EEPD1: variants seen among roughly 807,000 people sequenced by gnomAD.
EEPD1 encodes the protein endonuclease/exonuclease/phosphatase family domain containing 1, also known as endonuclease/exonuclease/phosphatase family domain-containing protein 1.
EEPD1 carries 17 observed loss-of-function variants against 46.3 expected under a neutral mutation model. The ratio of observed to expected loss-of-function variants is 0.37; its 90% CI spans 0.25 to 0.55. EEPD1 has a LOEUF of 0.55. Among genes scored for constraint, EEPD1 ranks in the 20% least tolerant of loss-of-function variants. The probability of loss-of-function intolerance (pLI) is 0.83; values close to 1 mark genes in which losing one functional copy is unlikely to be tolerated. For synonymous variants in EEPD1, 313 were observed against 315.6 expected, an observed-to-expected ratio of 0.99 and a Z score of 0.09; for missense variants, 673 against 745.6, an observed-to-expected ratio of 0.90 and a Z score of 1.13.
At chr7:36,238,088 A>C (rs900079919) in intron 2 of EEPD1, among the ~76,000 whole-genome samples, 1 of 152,156 alleles carries the variant, frequency 6.6e-6, no homozygotes, top group Non-Finnish European at 1.5e-5. Context: ...TTTAGACCAT[A>C]TAGGGTAACT....
chr7:36,275,896 G>A (rs1443865573), intron 3 of EEPD1, among the ~76,000 whole-genome samples: 4 of 151,946 alleles, frequency 2.6e-5, no homozygotes, highest in Non-Finnish European at 5.9e-5. Context: ...TCAAGCCTTA[G>A]AACCCCTTGT....
At chr7:36,211,553 G>A (rs572436419) in intron 2 of EEPD1, among the ~76,000 whole-genome samples, 126 of 152,292 alleles carry the variant, frequency 8.3e-4, no homozygotes, top group African/African-American at 2.9e-3. Context: ...TTCTAGGGAA[G>A]GGTTGTCTTT....
intron 2 of EEPD1, among the ~76,000 whole-genome samples, chr7:36,200,767 C>G (rs537455410): frequency 1.4e-4 from 22 of 152,290 alleles, no homozygotes; most frequent in Non-Finnish European, 2.2e-4. Context: ...TTAAAAAACC[C>G]GTCACCAAGT....
intron 2 of EEPD1, chr7:36,230,853 G>A (rs1353736820): frequency 6.6e-6 from 1 of 152,158 alleles, no homozygotes; most frequent in Non-Finnish European, 1.5e-5. Flanking sequence ...TATCCATACA[G>A]TGAATGAATG....
intron 4 of EEPD1, among the ~76,000 whole-genome samples, chr7:36,282,184 G>C (rs1401246277): frequency 1.3e-5 from 2 of 152,208 alleles, no homozygotes; most frequent in Non-Finnish European, 2.9e-5. Flanking sequence ...ATCTAGTTCA[G>C]GGTTCTCCCT....
chr7:36,256,444 G>C (rs996302411), intron 3 of EEPD1, among the ~76,000 whole-genome samples: 1 of 152,166 alleles, frequency 6.6e-6, no homozygotes, highest in African/African-American at 2.4e-5. Flanking sequence ...CAGTATTATT[G>C]TGTGGGATTC....
chr7:36,211,696 G>A (rs986047860), intron 2 of EEPD1, among the ~76,000 whole-genome samples: 3 of 152,106 alleles, frequency 2.0e-5, no homozygotes, highest in African/African-American at 7.2e-5. Context: ...AGGCCAAGGC[G>A]TGCGGATCAA....
chr7:36,262,331 C>T (rs547929734), intron 3 of EEPD1, among the ~76,000 whole-genome samples: 1 of 152,226 alleles, frequency 6.6e-6, no homozygotes, highest in African/African-American at 2.4e-5. Flanking sequence ...TCTACAGCAA[C>T]CTCAGTTTTT....
chr7:36,213,073 T>C (rs9785046), intron 2 of EEPD1, among the ~76,000 whole-genome samples: 5,934 of 152,246 alleles, frequency 0.039, 388 homozygotes, highest in African/African-American at 0.14. Context: ...GAATGGCTTG[T>C]ACCTGCGAGG....
chr7:36,275,138 C>T (rs567755281), intron 3 of EEPD1, among the ~76,000 whole-genome samples: 23 of 152,312 alleles, frequency 1.5e-4, no homozygotes, highest in South Asian at 1.0e-3. Flanking sequence ...ACACCCACCT[C>T]GGTGTAGCAG....
intron 2 of EEPD1, among the ~76,000 whole-genome samples, chr7:36,197,521 G>C (rs1006880100): frequency 5.9e-5 from 9 of 152,230 alleles, no homozygotes; most frequent in African/African-American, 2.2e-4. Context: ...TGCCGTGTCT[G>C]TGTAGAAAGA....
At chr7:36,252,753 C>T (rs981758003) in intron 3 of EEPD1, among the ~76,000 whole-genome samples, 2 of 150,260 alleles carry the variant, frequency 1.3e-5, no homozygotes, top group Non-Finnish European at 3.0e-5. Context: ...CCTTATGGTA[C>T]GCCCCAGACT....
intron 2 of EEPD1, among the ~76,000 whole-genome samples, chr7:36,207,580 G>T (rs1006147173): frequency 6.6e-6 from 1 of 152,296 alleles, no homozygotes; most frequent in Admixed American, 6.5e-5. Context: ...GGTTCTTTAT[G>T]CAAGGTCTTT....
rs1200792605 is a variant in EEPD1, at chr7:36,287,675, C to G, written c.1213C>G (p.Leu405Val). ...SHDLTLVNLH[L>V]AALTLLGSEN... ...CGACCTGACCCTTGTTAACCTTCACCTGGCAGCCCTGACCCTCCTGGGGAG... is the reference window on the plus strand; with the variant it reads ...CGACCTGACCCTTGTTAACCTTCACGTGGCAGCCCTGACCCTCCTGGGGAG... The change falls in exon 6 of 8, where the codon CTG (leucine) becomes GTG (valine). Residue 405 changes from leucine to valine, a missense_variant. Coordinates refer to ENST00000242108, the MANE Select transcript of EEPD1 (RefSeq NM_030636.3). 1.2e-6 allele frequency: 2 copies of G among 1,614,154 alleles called. No individual in the cohort carries two copies. Among genetic ancestry groups the G allele is most frequent in the South Asian group, 2.2e-5 (2 of 91,080 alleles).
chr7:36,246,397 T>C (rs551685887), intron 3 of EEPD1, among the ~76,000 whole-genome samples: 2 of 152,312 alleles, frequency 1.3e-5, no homozygotes, highest in African/African-American at 4.8e-5. Flanking sequence ...ATAATACCTA[T>C]CCTATTAGGA....
At chr7:36,211,424 T>C (rs1284827775) in intron 2 of EEPD1, among the ~76,000 whole-genome samples, 1 of 151,874 alleles carries the variant, frequency 6.6e-6, no homozygotes, top group African/African-American at 2.4e-5. Context: ...AAGGATAATT[T>C]AGTAAATGAC....
intron 2 of EEPD1, among the ~76,000 whole-genome samples, chr7:36,237,360 C>T (rs750857588): frequency 6.6e-6 from 1 of 152,236 alleles, no homozygotes; most frequent in Non-Finnish European, 1.5e-5. Flanking sequence ...TGCTCCTGAA[C>T]TCCTGAGCTC....
chr7:36,229,853 C>CAGGG (rs1786292512), intron 2 of EEPD1, among the ~76,000 whole-genome samples: 2 of 152,086 alleles, frequency 1.3e-5, no homozygotes, highest in Non-Finnish European at 2.9e-5. Flanking sequence ...GGGCACCTAC[C>CAGGG]CTGGACTGTC....
chr7:36,163,650 C>T (rs1209083460), intron 2 of EEPD1, among the ~76,000 whole-genome samples: 5 of 152,086 alleles, frequency 3.3e-5, no homozygotes, highest in African/African-American at 7.2e-5. Context: ...GAGGCCGAGG[C>T]GGGCGGATCA....
Sources: allele counts gnomAD v4.1 joint callset (sites outside exome capture counted in the v4.1 genomes callset), GRCh38; gene constraint gnomAD v4.1.1; transcripts MANE v1.5; gene names NCBI Gene and HGNC (gene_info 2026-07-23, HGNC 2026-07-21).